ZNF75D: variants seen among roughly 807,000 people sequenced by gnomAD.
ZNF75D encodes the protein zinc finger protein 75D.
ZNF75D carries 33 observed loss-of-function variants against 33.3 expected under a neutral mutation model. The ratio of observed to expected loss-of-function variants is 0.99; its 90% CI spans 0.75 to 1.32. The LOEUF (loss-of-function observed/expected upper bound fraction) is 1.32, where lower values mean the gene tolerates loss of function less well. Ranked by LOEUF, ZNF75D falls within the 40% of genes most tolerant of loss-of-function variation. ZNF75D has a pLI of 0.00. For missense variants in ZNF75D, 338 were observed against 367.5 expected (o/e 0.92, Z 0.66); for synonymous variants, 113 against 130.6 (o/e 0.87, Z 0.92).
At chrX:135,257,038 G>T (rs1288807561) in intron 1 of ZNF75D, among the ~76,000 whole-genome samples, 1 of 112,055 alleles carries the variant, frequency 8.9e-6, no homozygotes, top group Non-Finnish European at 1.9e-5. Flanking sequence ...GCGAGATGCA[G>T]GGAGTAAGCC....
intron 1 of ZNF75D, among the ~76,000 whole-genome samples, chrX:135,300,920 T>C (rs1276808603): frequency 3.6e-5 from 4 of 111,528 alleles, no homozygotes; most frequent in African/African-American, 9.8e-5. Flanking sequence ...ATATGCATGC[T>C]TGGTTGGCCA....
intron 1 of ZNF75D, among the ~76,000 whole-genome samples, chrX:135,314,388 A>G (rs1340015091): frequency 9.0e-6 from 1 of 111,522 alleles, no homozygotes; most frequent in African/African-American, 3.3e-5. Context: ...TGTTGAATTC[A>G]GTTTGCTAGT....
chrX:135,310,654 C>G (rs1305497377), intron 1 of ZNF75D, among the ~76,000 whole-genome samples: 1 of 111,820 alleles, frequency 8.9e-6, no homozygotes, highest in African/African-American at 3.3e-5. Context: ...GCTCTCACAA[C>G]CTGTCCAGCA....
intron 1 of ZNF75D, among the ~76,000 whole-genome samples, chrX:135,328,139 C>A (rs2084604836): frequency 9.0e-6 from 1 of 111,557 alleles, no homozygotes; most frequent in Non-Finnish European, 1.9e-5. Flanking sequence ...CCCTGAGGAA[C>A]TAAAATGACT....
intron 1 of ZNF75D, among the ~76,000 whole-genome samples, chrX:135,270,352 CATATATATATATAT>C (rs530211370): frequency 0.35 from 22,474 of 63,350 alleles, 3,002 homozygotes; most frequent in East Asian, 0.7. Context: ...CAAAATATCT[CATATATATATATAT>C]ATATATATAT....
At chrX:135,319,035 T>C (rs1206868590) in intron 1 of ZNF75D, among the ~76,000 whole-genome samples, 1 of 111,186 alleles carries the variant, frequency 9.0e-6, no homozygotes, top group Non-Finnish European at 1.9e-5. Context: ...ATTCTTCTAT[T>C]TTCTGTGTGA....
At chrX:135,262,061 T>G (rs782541120) in intron 1 of ZNF75D, among the ~76,000 whole-genome samples, 3 of 111,877 alleles carry the variant, frequency 2.7e-5, no homozygotes, top group African/African-American at 9.8e-5. Flanking sequence ...AAGCTTAGTT[T>G]GGCTGGATAT....
rs782009705 is a variant in ZNF75D at position 135,291,483 on chromosome X, G to C, written c.685C>G (p.Pro229Ala). 1 of 1,211,723 alleles carries C rather than the reference G, an allele frequency of 8.3e-7. No homozygotes were observed. Among genetic ancestry groups the C allele is most frequent in the East Asian group, 3.0e-5 (1 of 33,860 alleles). ...HWKMASKLIL[P>A]ESLSLLTFED... ...AAATAACAGCTCACCAGGGACTCAG[G>C]CAGGATGAGTTTAGATGCCATCTTC... The change falls in exon 5 of 7, where the codon CCT (proline) becomes GCT (alanine). Residue 229 changes from proline to alanine, a missense_variant. Physicochemically the swap from Pro to Ala is conservative, Grantham distance 27 (BLOSUM62 -1). Coordinates refer to ENST00000370766, the MANE Select transcript of ZNF75D (RefSeq NM_007131.5).
intron 1 of ZNF75D, among the ~76,000 whole-genome samples, chrX:135,318,043 T>A (rs1274953708): frequency 1.9e-5 from 2 of 107,185 alleles, no homozygotes; most frequent in African/African-American, 6.8e-5. Flanking sequence ...CTCACTTGTG[T>A]CTAAGAGCCA....
At chrX:135,293,422 AT>A (rs1556421792) in intron 3 of ZNF75D, among the ~76,000 whole-genome samples, 1 of 110,052 alleles carries the variant, frequency 9.1e-6, no homozygotes. Context: ...CTTGCCCTTT[AT>A]TTCTCTTTTT....
chrX:135,334,584 C>A (rs782702330), intron 1 of ZNF75D, among the ~76,000 whole-genome samples: 1 of 111,308 alleles, frequency 9.0e-6, no homozygotes, highest in African/African-American at 3.3e-5. Context: ...GGAATGAAAC[C>A]AGGAAGGGGT....
chrX:135,313,544 G>A (rs186238756), intron 1 of ZNF75D, among the ~76,000 whole-genome samples: 8 of 110,978 alleles, frequency 7.2e-5, no homozygotes, highest in Admixed American at 5.7e-4. Context: ...TGGCATTAGC[G>A]TTTTGAATCA....
rs1234293208 is a variant in ZNF75D at position 135,342,260 on chromosome X, T to G, written c.-883A>C. On this transcript the variant is annotated 5_prime_UTR_variant, in exon 1 of 7. Coordinates refer to ENST00000370766, the MANE Select transcript of ZNF75D (RefSeq NM_007131.5). ...TTGGCTCAATGACTTTCATGCTGTT[T>G]TGTAAGGAAAAGGCTCTTCTGAAAA... 8.9e-6 allele frequency: 1 copy of G among 112,254 alleles called. No individual in the cohort carries two copies. Among genetic ancestry groups the G allele is most frequent in the African/African-American group, 3.2e-5 (1 of 30,822 alleles). 9.3% of individuals were successfully genotyped at this position (112,254 alleles called of 1,213,427 possible).
At chrX:135,298,262 C>T (rs1297440020) in intron 1 of ZNF75D, 2 of 111,293 alleles carry the variant, frequency 1.8e-5, no homozygotes, top group Admixed American at 9.5e-5. Flanking sequence ...GGTTACCTTC[C>T]CCCTCTCAAA....
In ZNF75D at chrX:135,315,308, G is replaced by A. The variant is rs150148850; in HGVS notation, c.-390-19269C>T. On this transcript the variant is annotated intron_variant, in intron 1 of 6. Transcript: ENST00000370766. ...CCATTGTGGTCTGAGAAGTTACTTG[G>A]TATGATTCCAATTTTTATAATTTGT... is the stretch of plus-strand genomic sequence containing the variant. Among the ~76,000 whole-genome samples the A allele has an allele frequency of 5.4e-5, 6 of 111,835 alleles. No homozygotes were observed. In the East Asian group the frequency reaches 1.7e-3, roughly 31 times the overall value.
At chrX:135,306,157 GTATT>G (rs1458069549) in intron 1 of ZNF75D, among the ~76,000 whole-genome samples, 1 of 110,410 alleles carries the variant, frequency 9.1e-6, no homozygotes. Context: ...TGGGTCTTAA[GTATT>G]TGTTTGCCTT....
In ZNF75D at chrX:135,249,371, A is replaced by C. The variant is rs782007837; in HGVS notation, n.1297-70T>G. On this transcript the variant is annotated intron_variant and non_coding_transcript_variant, in intron 3 of 3. Transcript: ENST00000494295. ...CAAGTAGCCCCAGAAGCCTCTCTGC[A>C]CTTCTCCTCCCTAACACACATGCGT... 1.4e-4 allele frequency: 35 copies of C among 250,808 alleles called. 1 individual carries two copies. In the East Asian group the frequency reaches 3.3e-3, roughly 23 times the overall value. The allele number at this position is 250,808 out of a possible 1,213,427, so 20.7% of individuals were successfully genotyped here.
At chrX:135,318,095 T>A (rs1401241239) in intron 1 of ZNF75D, among the ~76,000 whole-genome samples, 1 of 101,196 alleles carries the variant, frequency 9.9e-6, no homozygotes. Context: ...ATATTTTTTT[T>A]TTTTTTTTGC....
intron 1 of ZNF75D, among the ~76,000 whole-genome samples, chrX:135,259,379 T>G (rs1054822975): frequency 6.3e-5 from 7 of 111,931 alleles, no homozygotes; most frequent in Non-Finnish European, 1.3e-4. Context: ...TATAAATTAC[T>G]TTGGGCAGTA....
Sources: gnomAD v4.1 joint callset for allele counts (sites outside exome capture counted in the v4.1 genomes callset) on GRCh38, gnomAD v4.1.1 for gene constraint, MANE v1.5 for transcripts, NCBI Gene and HGNC (gene_info 2026-07-23, HGNC 2026-07-21) for gene names.